The following MAD1L1 variants were observed in gnomAD, a reference collection of about 807,000 sequenced individuals.
MAD1L1 encodes mitotic arrest deficient 1 like 1.
MAD1L1 carries 95 observed loss-of-function variants against 96.9 expected under a neutral mutation model. The ratio of observed to expected loss-of-function variants is 0.98; its 90% confidence interval spans 0.83 to 1.16. The LOEUF is 1.16. Among genes scored for constraint, MAD1L1 ranks in the 50% most tolerant of loss-of-function variants. The pLI, the probability that MAD1L1 is intolerant of heterozygous loss-of-function variation, is 0.00. For missense variants in MAD1L1, 1,007 were observed against 954.4 expected (o/e 1.06, Z -0.73); for synonymous variants, 473 against 396.6 (o/e 1.19, Z -2.29).
chr7:1,864,838 C>T (rs1784705529), intron 18 of MAD1L1, among the ~76,000 whole-genome samples: 1 of 152,200 alleles, frequency 6.6e-6, no homozygotes, highest in Non-Finnish European at 1.5e-5. Flanking sequence ...CTGCACACAA[C>T]AGCTCCCCTC....
chr7:2,136,770 C>T (rs1022566134), intron 11 of MAD1L1, among the ~76,000 whole-genome samples: 3 of 152,208 alleles, frequency 2.0e-5, no homozygotes, highest in Admixed American at 6.5e-5. Context: ...GGAAGGAAAG[C>T]GTACTCCAAT....
intron 18 of MAD1L1, among the ~76,000 whole-genome samples, chr7:1,858,901 AG>A (rs778992559): frequency 3.9e-5 from 6 of 152,192 alleles, no homozygotes; most frequent in Non-Finnish European, 7.4e-5. Context: ...AGGTCAGGGC[AG>A]GGGGCCCAGG....
At chr7:2,004,512 G>A (rs919493453) in intron 13 of MAD1L1, among the ~76,000 whole-genome samples, 6 of 152,218 alleles carry the variant, frequency 3.9e-5, no homozygotes, top group Non-Finnish European at 7.3e-5. Context: ...AGGGTCGTCC[G>A]GAAGCAGCAG....
At chr7:1,816,423 G>A (rs1182909345) in intron 18 of MAD1L1, among the ~76,000 whole-genome samples, 195 bp from the exon 19 acceptor site, 1 of 152,128 alleles carries the variant, frequency 6.6e-6, no homozygotes, top group Non-Finnish European at 1.5e-5. Context: ...CCCAGGGCAA[G>A]GTCTCTGTTG....
At chr7:2,021,680 G>A (rs984124309) in intron 12 of MAD1L1, among the ~76,000 whole-genome samples, 6 of 152,012 alleles carry the variant, frequency 3.9e-5, no homozygotes, top group South Asian at 2.1e-4. Flanking sequence ...CAGGAGAATC[G>A]CTTGAACCCA....
intron 16 of MAD1L1, among the ~76,000 whole-genome samples, chr7:1,938,185 A>G (rs1414864826): frequency 9.7e-6 from 1 of 103,618 alleles, no homozygotes; most frequent in African/African-American, 4.0e-5. Context: ...CACGCCACAC[A>G]CAAACATCAG....
At chr7:2,113,524 G>A (rs897403992) in intron 11 of MAD1L1, among the ~76,000 whole-genome samples, 3 of 152,126 alleles carry the variant, frequency 2.0e-5, no homozygotes, top group Non-Finnish European at 4.4e-5. Flanking sequence ...AGGTTGCAGT[G>A]AGCCAAGATT....
intron 18 of MAD1L1, among the ~76,000 whole-genome samples, chr7:1,826,481 A>G (rs1404916531): frequency 1.3e-5 from 2 of 152,110 alleles, no homozygotes; most frequent in Non-Finnish European, 2.9e-5. Flanking sequence ...GGCCCAGCCC[A>G]GCTCAGCTCC....
rs1475234784 is a variant in MAD1L1 at position 2,221,104 on chromosome 7, G to T, written c.471+1471C>A. 5 of 1,392,040 alleles carry T rather than the reference G, an allele frequency of 3.6e-6. No individual in the cohort carries two copies. In the South Asian group the frequency reaches 5.2e-5, roughly 15 times the overall value. 86.2% of individuals were successfully genotyped at this position (1,392,040 alleles called of 1,614,324 possible). A position where few individuals can be genotyped will look rare whatever the true frequency, so the allele number is the denominator to read the frequency against. On this transcript the variant is annotated intron_variant, in intron 5 of 18. Coordinates refer to ENST00000265854, the MANE Select transcript of MAD1L1 (RefSeq NM_001013836.2). ...CGGCCACCTCGGCTTAGACATGACA[G>T]GCCAAAGCAGCAGCACCTGCAGCGC...
chr7:2,006,770 C>T (rs752408752), intron 13 of MAD1L1, among the ~76,000 whole-genome samples: 1 of 152,152 alleles, frequency 6.6e-6, no homozygotes, highest in African/African-American at 2.4e-5. Context: ...TCTCTGTGTG[C>T]GCAGAGGAGG....
intron 17 of MAD1L1, among the ~76,000 whole-genome samples, chr7:1,920,934 A>G (rs1331172123): frequency 6.6e-6 from 1 of 152,268 alleles, no homozygotes; most frequent in African/African-American, 2.4e-5. Flanking sequence ...AAAAGGGTGC[A>G]GATTCATGTT....
At chr7:1,912,662 G>C (rs1240481803) in intron 17 of MAD1L1, among the ~76,000 whole-genome samples, 1 of 152,212 alleles carries the variant, frequency 6.6e-6, no homozygotes, top group Non-Finnish European at 1.5e-5. Context: ...GGCAGACCCA[G>C]CCTCACAGGC....
chr7:1,896,582 ATG>A (rs1786885091), intron 18 of MAD1L1, among the ~76,000 whole-genome samples: 1 of 152,240 alleles, frequency 6.6e-6, no homozygotes, highest in Admixed American at 6.5e-5. Context: ...ATGCCTAGGC[ATG>A]TGCCTACGTA....
At chr7:1,916,883 C>A (rs914769354) in intron 17 of MAD1L1, among the ~76,000 whole-genome samples, 3 of 152,014 alleles carry the variant, frequency 2.0e-5, no homozygotes, top group Non-Finnish European at 2.9e-5. Context: ...CAGCGAGAAG[C>A]GAGACCAGGG....
chr7:2,132,580 C>T (rs903054054), intron 11 of MAD1L1, among the ~76,000 whole-genome samples: 22 of 152,232 alleles, frequency 1.4e-4, no homozygotes, highest in Admixed American at 2.6e-4. Flanking sequence ...TGGCAACCAC[C>T]GATCTTTTTA....
At chr7:2,141,832 T>C (rs547770917) in intron 11 of MAD1L1, among the ~76,000 whole-genome samples, 20 of 152,292 alleles carry the variant, frequency 1.3e-4, no homozygotes, top group African/African-American at 3.8e-4. Flanking sequence ...CTCCTCCACA[T>C]GGCCTGGCTC....
intron 12 of MAD1L1, among the ~76,000 whole-genome samples, chr7:2,016,669 G>A (rs943823894): frequency 6.4e-5 from 4 of 62,846 alleles, no homozygotes; most frequent in Non-Finnish European, 6.3e-5. Flanking sequence ...AGGCCGCCAC[G>A]TCTGGGGCTC....
In MAD1L1 at chr7:1,940,974, C is replaced by CCCTCCTCTTCCTCCCCCCGCAGGCCTCAG. The variant is rs1778948929; in HGVS notation, c.1597-4078_1597-4077insCTGAGGCCTGCGGGGGGAGGAAGAGGAGG. ...CCTCTTCCTCCCCCCGCAGGCCTCA[C>CCCTCCTCTTCCTCCCCCCGCAGGCCTCAG]CCTCCTCTTCCTCTCCCAGGCCTCA... On this transcript the variant is annotated intron_variant, in intron 16 of 18. Coordinates refer to ENST00000265854, the MANE Select transcript of MAD1L1 (RefSeq NM_001013836.2). Among the ~76,000 whole-genome samples, 65 of 114,240 alleles carry CCCTCCTCTTCCTCCCCCCGCAGGCCTCAG rather than the reference C, an allele frequency of 5.7e-4. 2 individuals are homozygous for CCCTCCTCTTCCTCCCCCCGCAGGCCTCAG. The highest frequency in any genetic ancestry group is 4.3e-3 in the Middle Eastern group (1 of 230). The allele number at this position is 114,240 out of a possible 152,430, so 74.9% of individuals were successfully genotyped here. A position where few individuals can be genotyped will look rare whatever the true frequency, so the allele number is the denominator to read the frequency against.
At chr7:2,228,352 A>C (rs927022039) in intron 3 of MAD1L1, among the ~76,000 whole-genome samples, 1 of 151,814 alleles carries the variant, frequency 6.6e-6, no homozygotes, top group African/African-American at 2.4e-5. Flanking sequence ...TCCGCCTCCC[A>C]GGTTCAAGCG....
Sources: allele counts gnomAD v4.1 joint callset (sites outside exome capture counted in the v4.1 genomes callset), GRCh38; gene constraint gnomAD v4.1.1; transcripts MANE v1.5; gene names NCBI Gene and HGNC (gene_info 2026-07-23, HGNC 2026-07-21).